Variants in JMY observed in about 807,000 individuals in gnomAD.
JMY encodes the protein junction-mediating and -regulatory protein.
In JMY, 46 loss-of-function variants were observed where a neutral mutation model predicts 103.3. The ratio of observed to expected loss-of-function variants is 0.45; its 90% CI spans 0.35 to 0.57. JMY has a LOEUF of 0.57. Ranked by LOEUF, JMY falls within the 20% of genes least tolerant of loss-of-function variation. JMY has a pLI of 0.00. For synonymous variants in JMY, 526 were observed against 489.3 expected (o/e 1.07, Z -0.99); for missense variants, 1,238 against 1,255.2 (o/e 0.99, Z 0.21).
chr5:79,247,064 A>G (rs1232225671), intron 1 of JMY, among the ~76,000 whole-genome samples: 1 of 152,182 alleles, frequency 6.6e-6, no homozygotes, highest in Non-Finnish European at 1.5e-5. Flanking sequence ...CCGGATTCAA[A>G]TCCAAGCCTG....
At chr5:79,316,539 G>C (rs1035077708) in intron 10 of JMY, among the ~76,000 whole-genome samples, 2 of 151,914 alleles carry the variant, frequency 1.3e-5, no homozygotes, top group Non-Finnish European at 2.9e-5. Flanking sequence ...TTTTAAAAAT[G>C]TCCTCCTCAT....
intron 1 of JMY, among the ~76,000 whole-genome samples, chr5:79,253,896 G>C (rs1745162939): frequency 6.6e-6 from 1 of 151,528 alleles, no homozygotes; most frequent in Admixed American, 6.6e-5. Flanking sequence ...CGAAATACTG[G>C]GCTCAAGTGA....
At chr5:79,240,920 G>A (rs971921644) in intron 1 of JMY, among the ~76,000 whole-genome samples, 1 of 152,170 alleles carries the variant, frequency 6.6e-6, no homozygotes, top group African/African-American at 2.4e-5. Flanking sequence ...TGTGGAATTG[G>A]CTATAGCTTT....
chr5:79,277,499 G>A (rs1745975300), intron 1 of JMY, among the ~76,000 whole-genome samples: 1 of 151,936 alleles, frequency 6.6e-6, no homozygotes, highest in Admixed American at 6.6e-5. Context: ...CTAGCCAGGT[G>A]TGGTGGTGTG....
intron 1 of JMY, among the ~76,000 whole-genome samples, chr5:79,272,074 T>TG (rs898701032): frequency 1.3e-5 from 2 of 149,956 alleles, no homozygotes; most frequent in Admixed American, 6.7e-5. Flanking sequence ...ATCACACCAC[T>TG]GCACTCCAGC....
chr5:79,281,537 C>G (rs1205449177), intron 2 of JMY, among the ~76,000 whole-genome samples: 1 of 151,898 alleles, frequency 6.6e-6, no homozygotes, highest in Non-Finnish European at 1.5e-5. Context: ...TCATTGTTGA[C>G]TGAAACATCA....
At chr5:79,253,165 C>G (rs1483032903) in intron 1 of JMY, among the ~76,000 whole-genome samples, 1 of 152,140 alleles carries the variant, frequency 6.6e-6, no homozygotes, top group Admixed American at 6.6e-5. Flanking sequence ...CAACTTACCA[C>G]TAATAAAGAC....
At chr5:79,306,330 CTTTCAAG>C (rs766856441) in intron 6 of JMY, 38 bp from the exon 7 acceptor site, 1 of 1,374,252 alleles carries the variant, frequency 7.3e-7, no homozygotes, top group Admixed American at 1.7e-5. Context: ...TGTTCAGAGT[CTTTCAAG>C]TTTCACTTGT....
Position 79,236,907 on chromosome 5 carries a change from G to A in JMY, c.257G>A (p.Gly86Asp). The change falls in exon 1 of 11, where the codon GGC (glycine) becomes GAC (aspartate). Residue 86 changes from glycine (G) to aspartate (D), a missense_variant. By Grantham distance (94) the Gly-to-Asp change is moderately conservative. Coordinates refer to ENST00000396137, the MANE Select transcript of JMY (RefSeq NM_152405.5). ...DGSRGPGSPA[G>D]RGRPEATASA... is the part of the protein sequence containing the mutation. ...AGCCGCGGGCCCGGCAGCCCGGCGG[G>A]CAGGGGTCGGCCCGAGGCCACTGCC... is the stretch of plus-strand genomic sequence containing the variant. 1 of 1,357,040 alleles carries A rather than the reference G, an allele frequency of 7.4e-7. No individual in the cohort carries two copies. Among genetic ancestry groups the A allele is most frequent in the South Asian group, 2.0e-5 (1 of 49,044 alleles). The allele number at this position is 1,357,040 out of a possible 1,614,324, so 84.1% of individuals were successfully genotyped here. A position where few individuals can be genotyped will look rare whatever the true frequency, so the allele number is the denominator to read the frequency against.
chr5:79,270,100 G>A (rs182486821), intron 1 of JMY, among the ~76,000 whole-genome samples: 79 of 151,842 alleles, frequency 5.2e-4, no homozygotes, highest in Non-Finnish European at 8.7e-4. Context: ...TCTGCAAGCA[G>A]AGACAGTTTT....
intron 7 of JMY, 87 bp downstream of exon 7, chr5:79,306,548 AC>A: frequency 1.1e-6 from 1 of 910,480 alleles, no homozygotes; most frequent in Non-Finnish European, 1.8e-6. Flanking sequence ...TGATAAAAAA[AC>A]TTATAACTGC....
In JMY at chr5:79,322,295, G is replaced by A. The variant is rs765107548; in HGVS notation, c.*693G>A. 17 of 152,228 alleles carry A rather than the reference G, an allele frequency of 1.1e-4. No homozygotes were observed. The highest frequency in any genetic ancestry group is 2.6e-4 in the African/African-American group (11 of 41,536). 9.4% of individuals were successfully genotyped at this position (152,228 alleles called of 1,614,324 possible). A position where few individuals can be genotyped will look rare whatever the true frequency, so the allele number is the denominator to read the frequency against. ...TACTTTGTAAGGTTTTGAAGTTTCC[G>A]TGCTTTTAAATCACTCTTCATATTT... On this transcript the variant is annotated 3_prime_UTR_variant, in exon 11 of 11. Coordinates refer to ENST00000396137, the MANE Select transcript of JMY (RefSeq NM_152405.5).
In JMY at chr5:79,271,581, CTGT is replaced by C. The variant is rs1437241676; in HGVS notation, c.1033-6324_1033-6322del. Among the ~76,000 whole-genome samples the C allele has an allele frequency of 8.5e-5, 13 of 152,204 alleles. No individual in the cohort carries two copies. The East Asian group carries it at 2.5e-3, about 29-fold the overall frequency. ...ATGGATATAGGTCTGTTCAGATTAC[CTGT>C]TGTTTCTACTGAATTTTTTTGTACA... On this transcript the variant is annotated intron_variant, in intron 1 of 10. Transcript: ENST00000396137.
In JMY at chr5:79,237,657, A is replaced by T; in HGVS notation, c.1007A>T (p.Gln336Leu). The T allele has an allele frequency of 6.2e-7, 1 of 1,613,426 alleles. No homozygotes were observed. The highest frequency in any genetic ancestry group is 1.1e-5 in the South Asian group (1 of 91,062). The change falls in exon 1 of 11, where the codon CAG (glutamine) becomes CTG (leucine). Residue 336 changes from glutamine to leucine, a missense_variant. Physicochemically the swap from Gln to Leu is moderately radical, Grantham distance 113. Coordinates refer to ENST00000396137, the MANE Select transcript of JMY (RefSeq NM_152405.5). Reference sequence around the variant, plus strand: ...CAGAAGGGCTACGAAGAAGTGCTTCAGCGGGCCAGGAAGCGCATCCAGGAG... The same window carrying T: ...CAGAAGGGCTACGAAGAAGTGCTTCTGCGGGCCAGGAAGCGCATCCAGGAG... ...LRQKGYEEVLQRARKRIQELL... is the reference protein window; with the variant it reads ...LRQKGYEEVLLRARKRIQELL...
At chr5:79,254,309 G>T (rs923397568) in intron 1 of JMY, among the ~76,000 whole-genome samples, 1 of 152,022 alleles carries the variant, frequency 6.6e-6, no homozygotes, top group Admixed American at 6.6e-5. Flanking sequence ...TCTGATTGAA[G>T]TACTCCCTTT....
intron 2 of JMY, chr5:79,284,786 C>T: frequency 7.0e-6 from 11 of 1,576,438 alleles, no homozygotes; most frequent in Non-Finnish European, 9.5e-6. Flanking sequence ...AGCATCTTTC[C>T]AATATTTCTT....
In JMY at chr5:79,237,008, C is replaced by G. The variant is rs1429274221; in HGVS notation, c.358C>G (p.Arg120Gly). The change falls in exon 1 of 11, where the codon CGC becomes GGC. Residue 120 changes from arginine to glycine, a missense_variant. Transcript: ENST00000396137. ...GGAGGGCGGCTCTCCTCGGAGCACT[C>G]GCAGCCTTCTGGGGGACCCGCGGCT... ...WAEGGSPRST[R>G]SLLGDPRLRS... 17 of 1,483,012 alleles carry G rather than the reference C, an allele frequency of 1.1e-5. No individual in the cohort carries two copies. Among genetic ancestry groups the G allele is most frequent in the Non-Finnish European group, 1.5e-5 (17 of 1,117,318 alleles). 91.9% of individuals were successfully genotyped at this position (1,483,012 alleles called of 1,614,324 possible). A position where few individuals can be genotyped will look rare whatever the true frequency, so the allele number is the denominator to read the frequency against.
rs1185902193 is a variant in JMY, at chr5:79,323,489, G to A, written c.*1887G>A. ...GTATTTCTTAACCCAAAGAGTGATT[G>A]GTTATATGAATATATTTGAAAAAGT... On this transcript the variant is annotated 3_prime_UTR_variant, in exon 11 of 11. Transcript: ENST00000396137. 1 of 152,088 alleles carries A rather than the reference G, an allele frequency of 6.6e-6. No individual in the cohort carries two copies. Among genetic ancestry groups the A allele is most frequent in the Non-Finnish European group, 1.5e-5 (1 of 68,016 alleles). 9.4% of individuals were successfully genotyped at this position (152,088 alleles called of 1,614,324 possible).
At chr5:79,251,556 T>C (rs945555891) in intron 1 of JMY, among the ~76,000 whole-genome samples, 8 of 151,950 alleles carry the variant, frequency 5.3e-5, no homozygotes, top group African/African-American at 1.9e-4. Flanking sequence ...ACAATCCAAT[T>C]ACACTATTAA....
Sources: gnomAD v4.1 joint callset for allele counts (sites outside exome capture counted in the v4.1 genomes callset) on GRCh38, gnomAD v4.1.1 for gene constraint, MANE v1.5 for transcripts, NCBI Gene and HGNC (gene_info 2026-07-23, HGNC 2026-07-21) for gene names.